The following CNTNAP5 variants were observed in gnomAD, a reference collection of about 807,000 sequenced individuals.
CNTNAP5 encodes contactin associated protein family member 5, also known as contactin-associated protein-like 5.
Under a neutral mutation model 150.2 loss-of-function variants are expected in CNTNAP5, and 72 were observed. The observed-to-expected ratio is 0.48, with a 90% CI of 0.40 to 0.58. CNTNAP5 has a LOEUF of 0.58. Among genes scored for constraint, CNTNAP5 ranks in the 20% least tolerant of loss-of-function variants. CNTNAP5 has a pLI of 0.00. For synonymous variants in CNTNAP5, 672 were observed against 619.8 expected (o/e 1.08, Z -1.25); for missense variants, 1,636 against 1,626.2 (o/e 1.01, Z -0.10).
intron 5 of CNTNAP5, 124 bp downstream of exon 5, chr2:124,434,811 G>C: frequency 1.3e-6 from 1 of 789,646 alleles, no homozygotes; most frequent in Admixed American, 2.5e-5. Flanking sequence ...AGTGATATTG[G>C]TGGGGATAGA....
chr2:124,212,924 C>T (rs533346268), intron 1 of CNTNAP5, among the ~76,000 whole-genome samples: 25 of 148,780 alleles, frequency 1.7e-4, no homozygotes, highest in Middle Eastern at 3.5e-3. Context: ...CTGAAAGCTC[C>T]GCCTGCCGGA....
At chr2:124,498,650 TTTTTA>T (rs1298702214) in intron 7 of CNTNAP5, among the ~76,000 whole-genome samples, 1 of 152,176 alleles carries the variant, frequency 6.6e-6, no homozygotes, top group Non-Finnish European at 1.5e-5. Context: ...GCTCACTTAC[TTTTTA>T]TTTTAATATA....
At chr2:124,434,315 C>T (rs1323550302) in intron 4 of CNTNAP5, among the ~76,000 whole-genome samples, 169 bp from the exon 5 acceptor site, 1 of 152,158 alleles carries the variant, frequency 6.6e-6, no homozygotes, top group Non-Finnish European at 1.5e-5. Flanking sequence ...CGAATAATTC[C>T]CTTGAGTCTA....
At chr2:124,458,293 T>TTATA (rs56360238) in intron 6 of CNTNAP5, among the ~76,000 whole-genome samples, 5 of 139,990 alleles carry the variant, frequency 3.6e-5, no homozygotes, top group African/African-American at 1.3e-4. Context: ...ATGTAATATT[T>TTATA]TATATATATA....
In CNTNAP5 at chr2:124,059,273, G is replaced by A. The variant is rs140373301; in HGVS notation, c.82+33541G>A. On this transcript the variant is annotated intron_variant, in intron 1 of 23. Coordinates refer to ENST00000682447, the MANE Select transcript of CNTNAP5 (RefSeq NM_001367498.1). ...CTAGATTTGTTTGTATTTTAAAGTC[G>A]TAACTATAAAATGAATTCACCATTT... is the stretch of plus-strand genomic sequence containing the variant. Among the ~76,000 whole-genome samples the A allele has an allele frequency of 2.0e-3, 304 of 152,118 alleles. 7 individuals are homozygous for A. The South Asian group carries it at 0.034, about 17-fold the overall frequency.
At chr2:124,379,720 C>G (rs1378413318) in intron 3 of CNTNAP5, among the ~76,000 whole-genome samples, 1 of 152,122 alleles carries the variant, frequency 6.6e-6, no homozygotes, top group African/African-American at 2.4e-5. Context: ...TGGCAGCGCC[C>G]TCACAAGGGA....
At chr2:124,079,325 C>T (rs781064604) in intron 1 of CNTNAP5, among the ~76,000 whole-genome samples, 2 of 152,204 alleles carry the variant, frequency 1.3e-5, no homozygotes, top group African/African-American at 4.8e-5. Flanking sequence ...ACCACGCCTC[C>T]TCCAAGAAAG....
chr2:124,686,687 C>T (rs556167025), intron 13 of CNTNAP5, among the ~76,000 whole-genome samples: 28 of 152,094 alleles, frequency 1.8e-4, no homozygotes, highest in African/African-American at 6.0e-4. Flanking sequence ...AGTCAACCTG[C>T]GGAGTTGTGA....
chr2:124,531,814 A>C (rs964297344), intron 10 of CNTNAP5, among the ~76,000 whole-genome samples: 1 of 152,128 alleles, frequency 6.6e-6, no homozygotes, highest in African/African-American at 2.4e-5. Context: ...TTGTCGACCT[A>C]AAAGGAAAAA....
At chr2:124,811,232 A>G (rs1255912753) in intron 19 of CNTNAP5, among the ~76,000 whole-genome samples, 2 of 152,166 alleles carry the variant, frequency 1.3e-5, no homozygotes, top group African/African-American at 4.8e-5. Context: ...TCTAAAATGG[A>G]TAAATCAAGA....
Position 124,647,941 on chromosome 2 carries a change from G to A in CNTNAP5, c.2060G>A (p.Arg687His), listed in dbSNP as rs374739161. 1.8e-5 allele frequency: 29 copies of A among 1,601,834 alleles called. No homozygotes were observed. The highest frequency in any genetic ancestry group is 2.2e-5 in the Non-Finnish European group (26 of 1,174,916). ...QEVAYHCRRS[R>H]LLNTPDGTPF... ...GTGGCCTACCACTGCAGGAGGTCCC[G>A]CCTGCTCAACACGCCGGGTAAGGCC... is the stretch of plus-strand genomic sequence containing the variant. Residue 687 changes from arginine (R) to histidine (H), a missense_variant, in exon 13 of 24, where the codon CGC becomes CAC. Arg to His is a conservative substitution (Grantham distance 29). Coordinates refer to ENST00000682447, the MANE Select transcript of CNTNAP5 (RefSeq NM_001367498.1).
intron 3 of CNTNAP5, among the ~76,000 whole-genome samples, chr2:124,384,100 A>G (rs1486933320): frequency 6.6e-6 from 1 of 152,090 alleles, no homozygotes; most frequent in African/African-American, 2.4e-5. Flanking sequence ...ATACATTATT[A>G]TATTATATAT....
chr2:124,154,367 G>A (rs1001413798), intron 1 of CNTNAP5, among the ~76,000 whole-genome samples: 4 of 152,108 alleles, frequency 2.6e-5, no homozygotes, highest in African/African-American at 7.2e-5. Flanking sequence ...AGGAAGAAAG[G>A]GCATGGCAAA....
chr2:124,666,551 C>T (rs897238397), intron 13 of CNTNAP5, among the ~76,000 whole-genome samples: 6 of 152,136 alleles, frequency 3.9e-5, no homozygotes, highest in Admixed American at 3.3e-4. Flanking sequence ...TCTGATCTCC[C>T]TTCCCATCAT....
chr2:124,666,172 A>C (rs1303663917), intron 13 of CNTNAP5, among the ~76,000 whole-genome samples: 1 of 152,154 alleles, frequency 6.6e-6, no homozygotes, highest in Non-Finnish European at 1.5e-5. Flanking sequence ...TTACAGGCAA[A>C]CACACATATC....
chr2:124,319,532 G>C (rs1372229085), intron 3 of CNTNAP5, among the ~76,000 whole-genome samples: 1 of 152,142 alleles, frequency 6.6e-6, no homozygotes, highest in Admixed American at 6.5e-5. Context: ...TATTGATTTT[G>C]ATCATGTGTT....
chr2:124,135,906 G>A (rs562028065), intron 1 of CNTNAP5, among the ~76,000 whole-genome samples: 12 of 152,218 alleles, frequency 7.9e-5, no homozygotes, highest in African/African-American at 2.6e-4. Context: ...TCTCCTTCAC[G>A]AAGACTTATT....
At chr2:124,438,426 A>T (rs1692589828) in intron 5 of CNTNAP5, among the ~76,000 whole-genome samples, 1 of 152,186 alleles carries the variant, frequency 6.6e-6, no homozygotes, top group Non-Finnish European at 1.5e-5. Flanking sequence ...GAAGACAACA[A>T]TAGTACATGC....
chr2:124,410,060 A>T (rs1691706571), intron 3 of CNTNAP5, among the ~76,000 whole-genome samples: 1 of 152,166 alleles, frequency 6.6e-6, no homozygotes, highest in South Asian at 2.1e-4. Context: ...TGGAAAACAA[A>T]AAAAGGCAGG....
Sources: gnomAD v4.1 joint callset for allele counts (sites outside exome capture counted in the v4.1 genomes callset) on GRCh38, gnomAD v4.1.1 for gene constraint, MANE v1.5 for transcripts, NCBI Gene and HGNC (gene_info 2026-07-23, HGNC 2026-07-21) for gene names.